Variants in PITPNC1 observed in about 807,000 individuals in gnomAD.
The protein encoded by PITPNC1 is phosphatidylinositol transfer protein cytoplasmic 1.
In PITPNC1, 18 loss-of-function variants were observed where a neutral mutation model predicts 44.7. That is an observed-to-expected ratio of 0.40 (90% CI 0.28 to 0.60). The LOEUF (loss-of-function observed/expected upper bound fraction) is 0.60. PITPNC1 is among the 20% of genes least tolerant of loss of function. The pLI is 0.39. For missense variants in PITPNC1, 290 were observed against 418.4 expected, an observed-to-expected ratio of 0.69 and a Z score of 2.68; for synonymous variants, 141 against 149.6, an observed-to-expected ratio of 0.94 and a Z score of 0.42.
At chr17:67,582,977 A>G (rs1021413904) in intron 5 of PITPNC1, among the ~76,000 whole-genome samples, 2 of 152,210 alleles carry the variant, frequency 1.3e-5, no homozygotes, top group Admixed American at 6.5e-5. Context: ...CAAACAAAGC[A>G]GGCACCATTT....
chr17:67,548,539 C>T (rs35366460), intron 2 of PITPNC1, among the ~76,000 whole-genome samples: 4,398 of 152,120 alleles, frequency 0.029, 88 homozygotes, highest in Middle Eastern at 0.058. Context: ...TGCAGTGAGC[C>T]GAGATTGTGC....
At chr17:67,599,710 GA>G (rs1295201069) in intron 5 of PITPNC1, among the ~76,000 whole-genome samples, 2 of 152,190 alleles carry the variant, frequency 1.3e-5, no homozygotes, top group Non-Finnish European at 2.9e-5. Context: ...GGTGGAGTTA[GA>G]AGCCAGCTTG....
intron 1 of PITPNC1, among the ~76,000 whole-genome samples, chr17:67,385,482 C>A (rs1400987619): frequency 7.2e-6 from 1 of 139,860 alleles, no homozygotes; most frequent in Non-Finnish European, 1.6e-5. Context: ...GACCACCCCT[C>A]CCCCCTCCCC....
rs555500662 is a variant in PITPNC1, at chr17:67,696,747, A to C, written c.*3859A>C. On this transcript the variant is annotated 3_prime_UTR_variant, in exon 9 of 9. Coordinates refer to ENST00000581322, the MANE Select transcript of PITPNC1 (RefSeq NM_012417.4). The stretch of plus-strand genomic sequence containing the variant: ...ACAATCTGTTTGCATTTGAAATATA[A>C]GTGTTTAAGCTTTTTAGGAGTTAGT... 5.9e-5 allele frequency: 9 copies of C among 152,242 alleles called. No individual in the cohort carries two copies. Among genetic ancestry groups the C allele is most frequent in the Admixed American group, 1.3e-4 (2 of 15,278 alleles). The allele number at this position is 152,242 out of a possible 1,614,324, so 9.4% of individuals were successfully genotyped here.
At chr17:67,447,092 A>G (rs2039108457) in intron 1 of PITPNC1, among the ~76,000 whole-genome samples, 1 of 135,564 alleles carries the variant, frequency 7.4e-6, no homozygotes, top group African/African-American at 3.3e-5. Flanking sequence ...TCTGTCTCAA[A>G]AAAAAAAAAA....
At chr17:67,552,539 G>C (rs1030479138) in intron 3 of PITPNC1, among the ~76,000 whole-genome samples, 194 bp downstream of exon 3, 2 of 151,958 alleles carry the variant, frequency 1.3e-5, no homozygotes, top group African/African-American at 4.8e-5. Flanking sequence ...CAGGTGACAG[G>C]GGGGTTAAGC....
In PITPNC1 at chr17:67,652,766, C is replaced by T. The variant is rs181107546; in HGVS notation, c.463-16742C>T. On this transcript the variant is annotated intron_variant, in intron 6 of 8. Coordinates refer to ENST00000581322, the MANE Select transcript of PITPNC1 (RefSeq NM_012417.4). The stretch of plus-strand genomic sequence containing the variant: ...CTACTGGGGTTCGGTGCTCCGTGAC[C>T]ACATGAGTGAGCTGGAAGAGTGACC... Among the ~76,000 whole-genome samples the T allele has an allele frequency of 1.7e-3, 254 of 152,300 alleles. 1 individual carries two copies. The highest frequency in any genetic ancestry group is 6.0e-3 in the African/African-American group (248 of 41,560).
intron 5 of PITPNC1, among the ~76,000 whole-genome samples, chr17:67,630,261 G>A (rs2041948864): frequency 6.6e-6 from 1 of 152,244 alleles, no homozygotes; most frequent in African/African-American, 2.4e-5. Flanking sequence ...CTCCAGGAAT[G>A]AGCTAAACAG....
At chr17:67,499,202 C>T (rs372057697) in intron 1 of PITPNC1, among the ~76,000 whole-genome samples, 31 of 151,306 alleles carry the variant, frequency 2.0e-4, no homozygotes, top group African/African-American at 7.5e-4. Context: ...AATATCTATT[C>T]AAGTCCTTTG....
At chr17:67,440,460 TC>T (rs2038997003) in intron 1 of PITPNC1, among the ~76,000 whole-genome samples, 1 of 151,948 alleles carries the variant, frequency 6.6e-6, no homozygotes, top group Admixed American at 6.6e-5. Flanking sequence ...CTCTGTAACT[TC>T]CTTTTGAAAA....
At chr17:67,578,582 G>A (rs1170814058) in intron 5 of PITPNC1, among the ~76,000 whole-genome samples, 1 of 152,222 alleles carries the variant, frequency 6.6e-6, no homozygotes, top group African/African-American at 2.4e-5. Flanking sequence ...ATTGGACAGA[G>A]TACACATCTT....
intron 6 of PITPNC1, among the ~76,000 whole-genome samples, chr17:67,635,742 C>G (rs2042024508): frequency 6.6e-6 from 1 of 152,122 alleles, no homozygotes; most frequent in Admixed American, 6.6e-5. Context: ...CACAGAAATG[C>G]ACCAAGGAAT....
rs149476179 is a variant in PITPNC1, at chr17:67,473,167, T to C, written c.49-59635T>C. On this transcript the variant is annotated intron_variant, in intron 1 of 8. Transcript: ENST00000581322. ...CTGGGAATACAGGTGTGAGCCACCG[T>C]GCCCGGCCAATTAATGTATTTTTAT... is the stretch of plus-strand genomic sequence containing the variant. Among the ~76,000 whole-genome samples the C allele has an allele frequency of 3.0e-4, 45 of 150,474 alleles. No individual in the cohort carries two copies. In the East Asian group the frequency reaches 6.5e-3, roughly 22 times the overall value.
At chr17:67,504,088 G>A (rs1349095140) in intron 1 of PITPNC1, among the ~76,000 whole-genome samples, 1 of 152,140 alleles carries the variant, frequency 6.6e-6, no homozygotes. Context: ...GAAATGAGGG[G>A]TGTGGAGGAA....
At chr17:67,634,477 A>G (rs921410656) in intron 6 of PITPNC1, among the ~76,000 whole-genome samples, 2 of 151,996 alleles carry the variant, frequency 1.3e-5, no homozygotes, top group Admixed American at 1.3e-4. Context: ...AATCGCTTGA[A>G]CCTGGGAAGT....
chr17:67,618,520 GC>G (rs2041790032), intron 5 of PITPNC1, among the ~76,000 whole-genome samples: 1 of 151,058 alleles, frequency 6.6e-6, no homozygotes. Flanking sequence ...GGAGGCTGAG[GC>G]AGGTGAATCA....
intron 1 of PITPNC1, among the ~76,000 whole-genome samples, chr17:67,484,271 ACCCAGCTCAGAGAGTTGTTGTTGGTT>A (rs1447576305): frequency 6.6e-6 from 1 of 152,040 alleles, no homozygotes; most frequent in African/African-American, 2.4e-5. Flanking sequence ...TGTGCATAAG[ACCCAGCTCAGAGAGTTGTTGTTGGTT>A]CCTACTCTCT....
At chr17:67,678,145 G>C (rs914251178) in intron 8 of PITPNC1, among the ~76,000 whole-genome samples, 1 of 152,002 alleles carries the variant, frequency 6.6e-6, no homozygotes, top group African/African-American at 2.4e-5. Context: ...GAGCCCAGGA[G>C]CTGGAGGCTG....
intron 1 of PITPNC1, among the ~76,000 whole-genome samples, chr17:67,473,490 G>C (rs566341778): frequency 2.5e-4 from 38 of 151,714 alleles, no homozygotes; most frequent in African/African-American, 9.0e-4. Flanking sequence ...CACTACATCC[G>C]GCTAATTTTT....
Sources: gnomAD v4.1 joint callset for allele counts (sites outside exome capture counted in the v4.1 genomes callset) on GRCh38, gnomAD v4.1.1 for gene constraint, MANE v1.5 for transcripts, NCBI Gene and HGNC (gene_info 2026-07-23, HGNC 2026-07-21) for gene names.